Variants in IGDCC4 observed in about 807,000 individuals in gnomAD.
The protein encoded by IGDCC4 is likely ortholog of mouse neighbor of Punc E11.
Under a neutral mutation model 116.6 loss-of-function variants are expected in IGDCC4, and 72 were observed. That is an observed-to-expected ratio of 0.62 (90% CI 0.51 to 0.75). The LOEUF is 0.75. Ranked by LOEUF, IGDCC4 falls within the 30% of genes least tolerant of loss-of-function variation. The pLI, the probability that IGDCC4 is intolerant of heterozygous loss-of-function variation, is 0.00. For missense variants in IGDCC4, 1,501 were observed against 1,662.4 expected, an observed-to-expected ratio of 0.90 and a Z score of 1.69; for synonymous variants, 709 against 719.9, an observed-to-expected ratio of 0.98 and a Z score of 0.24.
intron 13 of IGDCC4, 135 bp from the exon 14 acceptor site, chr15:65,389,546 G>A (rs2091492966): frequency 1.6e-6 from 2 of 1,215,674 alleles, no homozygotes; most frequent in East Asian, 4.8e-5. Context: ...CCCTGGCCTG[G>A]AGGCGACTAC....
intron 3 of IGDCC4, among the ~76,000 whole-genome samples, chr15:65,406,944 C>A (rs2063046124): frequency 1.3e-5 from 2 of 152,066 alleles, no homozygotes; most frequent in Admixed American, 1.3e-4. Context: ...CTGCTCCCAG[C>A]CACAGTTGGA....
At chr15:65,402,614 A>ATT in intron 3 of IGDCC4, 127 bp from the exon 4 acceptor site, 2 of 1,249,260 alleles carry the variant, frequency 1.6e-6, no homozygotes, top group South Asian at 3.1e-5. Context: ...CACGCCTATA[A>ATT]TCCCAGCACT....
At chr15:65,386,758 C>T (rs761651925) in intron 16 of IGDCC4, 102 bp from the exon 17 acceptor site, 22 of 822,432 alleles carry the variant, frequency 2.7e-5, no homozygotes, top group Admixed American at 7.0e-5. Context: ...CCAGCTGGAC[C>T]CTCACCCTTC....
At chr15:65,406,254 T>A (rs1192775114) in intron 3 of IGDCC4, among the ~76,000 whole-genome samples, 1 of 152,268 alleles carries the variant, frequency 6.6e-6, no homozygotes, top group Admixed American at 6.5e-5. Context: ...TGCAGTGAGA[T>A]AATGTTCCCT....
intron 4 of IGDCC4, among the ~76,000 whole-genome samples, chr15:65,402,025 C>T (rs376978540): frequency 2.0e-5 from 3 of 152,156 alleles, no homozygotes; most frequent in South Asian, 2.1e-4. Context: ...GCAGGGCTTC[C>T]GGGCACTGAC....
chr15:65,410,900 G>T, intron 2 of IGDCC4, 120 bp downstream of exon 2: 1 of 736,760 alleles, frequency 1.4e-6, no homozygotes, highest in Non-Finnish European at 2.2e-6. Context: ...ATGGGAGGCA[G>T]GGAAAGGGGG....
At position 65,395,202 on chromosome 15, in the gene IGDCC4, C is replaced by G. The variant is rs1000450584; in HGVS notation, c.1468G>C (p.Val490Leu). 1 of 1,613,942 alleles carries G rather than the reference C, an allele frequency of 6.2e-7. No individual in the cohort carries two copies. The highest frequency in any genetic ancestry group is 8.5e-7 in the Non-Finnish European group (1 of 1,179,944). ...AVNNDTTELQVRDLEPNTDYE... is the reference protein window; with the variant it reads ...AVNNDTTELQLRDLEPNTDYE... ...TCTGTGTTGGGTTCCAGGTCCCGAA[C>G]CTGTAGTTCTGTGGTGTCGTTGTTC... Residue 490 changes from valine (V) to leucine (L), a missense_variant, in exon 8 of 20, where the codon GTT (valine) becomes CTT (leucine). Coordinates refer to ENST00000352385, the MANE Select transcript of IGDCC4 (RefSeq NM_020962.3).
chr15:65,385,937 TGG>T lies in IGDCC4; in HGVS notation c.3072_3073del (p.His1025SerfsTer16). Reference sequence around the variant, plus strand: ...GGGTGGCGGGGACCAGTCCTGGGGATGGGGGTGCACAAGGGACTCCAATTCAT... The same window carrying T: ...GGGTGGCGGGGACCAGTCCTGGGGATGGGTGCACAAGGGACTCCAATTCAT... On this transcript the variant is annotated frameshift_variant, in exon 18 of 20. Coordinates refer to ENST00000352385, the MANE Select transcript of IGDCC4 (RefSeq NM_020962.3). LOFTEE classifies it high-confidence loss of function. 1 of 1,543,400 alleles carries T rather than the reference TGG, an allele frequency of 6.5e-7. No individual in the cohort carries two copies. The highest frequency in any genetic ancestry group is 8.7e-7 in the Non-Finnish European group (1 of 1,144,648).
At chr15:65,389,475 C>G in intron 13 of IGDCC4, 64 bp from the exon 14 acceptor site, 1 of 1,608,236 alleles carries the variant, frequency 6.2e-7, no homozygotes. Flanking sequence ...CAGACTCCTC[C>G]AAATCTACTC....
chr15:65,402,885 C>T (rs1185655087), intron 3 of IGDCC4, among the ~76,000 whole-genome samples: 2 of 152,110 alleles, frequency 1.3e-5, no homozygotes, highest in African/African-American at 2.4e-5. Flanking sequence ...CAAACAAAAA[C>T]TCTAAGACAC....
At chr15:65,417,950 G>A (rs1162246020) in intron 1 of IGDCC4, among the ~76,000 whole-genome samples, 1 of 152,076 alleles carries the variant, frequency 6.6e-6, no homozygotes, top group East Asian at 1.9e-4. Flanking sequence ...AAAGTCTTGG[G>A]GTTATGTCTT....
intron 6 of IGDCC4, 21 bp from the exon 7 acceptor site, chr15:65,396,184 G>A: frequency 6.7e-7 from 1 of 1,499,206 alleles, no homozygotes; most frequent in Non-Finnish European, 8.9e-7. Context: ...GAGGGGCGAC[G>A]CTGAGCGCGG....
At chr15:65,401,231 A>G (rs1255302041) in intron 4 of IGDCC4, among the ~76,000 whole-genome samples, 2 of 152,186 alleles carry the variant, frequency 1.3e-5, no homozygotes, top group African/African-American at 4.8e-5. Context: ...GCAACCCACC[A>G]TCTAGGCAGA....
chr15:65,420,678 G>A (rs1353279917), intron 1 of IGDCC4, among the ~76,000 whole-genome samples: 1 of 151,108 alleles, frequency 6.6e-6, no homozygotes, highest in East Asian at 2.0e-4. Flanking sequence ...GCTAGATTTA[G>A]TTTAATCCAA....
intron 1 of IGDCC4, among the ~76,000 whole-genome samples, chr15:65,414,729 C>T (rs2063127355): frequency 6.6e-6 from 1 of 152,130 alleles, no homozygotes; most frequent in Non-Finnish European, 1.5e-5. Context: ...GCAACCTCCA[C>T]CTCCTGGGTT....
chr15:65,398,473 G>C (rs2062948023), intron 5 of IGDCC4, among the ~76,000 whole-genome samples: 1 of 140,340 alleles, frequency 7.1e-6, no homozygotes, highest in Admixed American at 7.6e-5. Context: ...GGCGAAGGTT[G>C]CAGTAAGCCA....
chr15:65,402,103 A>G (rs903343196), intron 4 of IGDCC4, among the ~76,000 whole-genome samples: 7 of 152,206 alleles, frequency 4.6e-5, no homozygotes, highest in African/African-American at 1.4e-4. Flanking sequence ...ACCAGAGGGC[A>G]CACAGGCTCT....
rs1442515956 is a variant in IGDCC4, at chr15:65,385,077, A to G, written c.3219T>C (p.Gly1073=). The G allele has an allele frequency of 6.2e-7, 1 of 1,603,652 alleles. No homozygotes were observed. Among genetic ancestry groups the G allele is most frequent in the African/African-American group, 1.3e-5 (1 of 74,516 alleles). Residue 1073 remains glycine, a synonymous_variant, in exon 19 of 20, where the codon GGT becomes GGC. Transcript: ENST00000352385. ...WAQPSGLSWA[G]SWAGCELPQA... is the part of the protein sequence containing the mutation. ...GGGGCAGCTCACAGCCTGCCCAGGA[A>G]CCAGCCCAGCTCAGCCCGCTTGGTT...
rs980836101 is a variant in IGDCC4 at position 65,385,199 on chromosome 15, G to A, written c.3181-84C>T. The A allele has an allele frequency of 1.7e-5, 23 of 1,380,902 alleles. No individual in the cohort carries two copies. In the African/African-American group the frequency reaches 2.8e-4, roughly 17 times the overall value. The allele number at this position is 1,380,902 out of a possible 1,614,324, so 85.5% of individuals were successfully genotyped here. A position where few individuals can be genotyped will look rare whatever the true frequency, so the allele number is the denominator to read the frequency against. ...AAGCCCGGGGGAGGGAATTGGGATG[G>A]GCCGCGGGGGAGCAGGGTCCAGACT... On this transcript the variant is annotated intron_variant, in intron 18 of 19. Transcript: ENST00000352385.
Sources: allele counts gnomAD v4.1 joint callset (sites outside exome capture counted in the v4.1 genomes callset), GRCh38; gene constraint gnomAD v4.1.1; transcripts MANE v1.5; gene names NCBI Gene and HGNC (gene_info 2026-07-23, HGNC 2026-07-21).